Variants in KAT6B observed in about 807,000 individuals in gnomAD.
KAT6B encodes the protein histone acetyltransferase KAT6B.
In KAT6B, 10 loss-of-function variants were observed where a neutral mutation model predicts 187.5. The observed-to-expected ratio is 0.05, with a 90% CI of 0.03 to 0.09. KAT6B has a LOEUF of 0.09. KAT6B is among the 10% of genes least tolerant of loss of function. KAT6B has a pLI of 1.00. For missense variants in KAT6B, 1,952 were observed against 2,558.9 expected, an observed-to-expected ratio of 0.76 and a Z score of 5.12; for synonymous variants, 861 against 926.8, an observed-to-expected ratio of 0.93 and a Z score of 1.29.
Position 75,022,007 on chromosome 10 carries a change from G to C in KAT6B, c.3148G>C (p.Glu1050Gln). 6.2e-7 allele frequency: 1 copy of C among 1,614,106 alleles called. No individual in the cohort carries two copies. The highest frequency in any genetic ancestry group is 8.5e-7 in the Non-Finnish European group (1 of 1,180,030). Residue 1050 changes from glutamate to glutamine, a missense_variant, in exon 16 of 18, where the codon GAG becomes CAG. Physicochemically the swap from Glu to Gln is conservative, Grantham distance 29. Around this residue, in one of 9 missense-constraint regions of KAT6B, gnomAD observed 758 missense variants for 891.4 expected, o/e 0.85. Transcript: ENST00000287239. Reference sequence around the variant, plus strand: ...GAAAAATAAATATTTGCATTCCCCGGAGAGCCGGCCAGTCACAGGGGAGCG... The same window carrying C: ...GAAAAATAAATATTTGCATTCCCCGCAGAGCCGGCCAGTCACAGGGGAGCG... ...QSKNKYLHSP[E>Q]SRPVTGERGQ...
intron 4 of KAT6B, among the ~76,000 whole-genome samples, chr10:74,969,157 A>G (rs1008170968): frequency 2.0e-5 from 3 of 152,024 alleles, no homozygotes; most frequent in African/African-American, 7.2e-5. Context: ...TTTGTGTGCT[A>G]TTGGATTTGG....
At chr10:74,961,311 C>T (rs990393164) in intron 4 of KAT6B, among the ~76,000 whole-genome samples, 4 of 152,144 alleles carry the variant, frequency 2.6e-5, no homozygotes, top group Non-Finnish European at 4.4e-5. Context: ...GGTTTTCTCA[C>T]GAGGCTCATT....
At chr10:74,895,699 C>T (rs542183784) in intron 3 of KAT6B, among the ~76,000 whole-genome samples, 22 of 152,200 alleles carry the variant, frequency 1.4e-4, no homozygotes, top group African/African-American at 4.6e-4. Flanking sequence ...GCTACCATGC[C>T]TAGCTAATTT....
At chr10:74,886,795 T>C (rs1014491595) in intron 3 of KAT6B, among the ~76,000 whole-genome samples, 5 of 152,116 alleles carry the variant, frequency 3.3e-5, no homozygotes, top group Non-Finnish European at 5.9e-5. Flanking sequence ...CATAACCCAG[T>C]GTATTACACT....
At chr10:75,011,613 A>T (rs1313420537) in intron 13 of KAT6B, among the ~76,000 whole-genome samples, 1 of 152,226 alleles carries the variant, frequency 6.6e-6, no homozygotes, top group Non-Finnish European at 1.5e-5. Context: ...ACAGAGTATA[A>T]CATCTCTCAT....
At chr10:74,850,692 G>A (rs564316064) in intron 3 of KAT6B, among the ~76,000 whole-genome samples, 229 of 152,316 alleles carry the variant, frequency 1.5e-3, no homozygotes, top group Non-Finnish European at 2.9e-3. Context: ...AAGTAGTAAA[G>A]CTCAATTAGG....
chr10:74,986,240 G>C (rs1212741018), intron 12 of KAT6B, among the ~76,000 whole-genome samples: 1 of 152,136 alleles, frequency 6.6e-6, no homozygotes. Flanking sequence ...AAGGAAAACT[G>C]AGTTTGGAGA....
At chr10:75,009,668 A>T (rs1844458491) in intron 13 of KAT6B, among the ~76,000 whole-genome samples, 1 of 152,194 alleles carries the variant, frequency 6.6e-6, no homozygotes, top group African/African-American at 2.4e-5. Flanking sequence ...AACAGCTAAC[A>T]TCTACTGTAG....
chr10:74,984,835 G>A, intron 11 of KAT6B: 3 of 493,118 alleles, frequency 6.1e-6, no homozygotes, highest in South Asian at 2.2e-5. Context: ...CCCTTCTTTG[G>A]TAGCTTAAAG....
chr10:74,861,953 CCT>C (rs1169467019), intron 3 of KAT6B, among the ~76,000 whole-genome samples: 1 of 151,686 alleles, frequency 6.6e-6, no homozygotes, highest in Non-Finnish European at 1.5e-5. Context: ...TGACGATGGG[CCT>C]CTCTCCTCTT....
intron 3 of KAT6B, among the ~76,000 whole-genome samples, chr10:74,880,685 G>A (rs997135421): frequency 2.0e-5 from 3 of 152,032 alleles, no homozygotes; most frequent in South Asian, 4.1e-4. Flanking sequence ...GCGCAATCTC[G>A]GCTCACTGCA....
intron 3 of KAT6B, among the ~76,000 whole-genome samples, chr10:74,945,661 G>A (rs1033801413): frequency 6.6e-6 from 1 of 152,046 alleles, no homozygotes; most frequent in African/African-American, 2.4e-5. Flanking sequence ...TGTTTATCAG[G>A]CTGGTCTCCA....
chr10:74,970,602 TTTC>T (rs1841784879), intron 6 of KAT6B, among the ~76,000 whole-genome samples: 1 of 152,178 alleles, frequency 6.6e-6, no homozygotes, highest in Non-Finnish European at 1.5e-5. Flanking sequence ...GAATGTGGAT[TTTC>T]TTCTGTTTAT....
chr10:74,852,401 C>G (rs1842533415), intron 3 of KAT6B, among the ~76,000 whole-genome samples: 1 of 152,160 alleles, frequency 6.6e-6, no homozygotes, highest in Non-Finnish European at 1.5e-5. Flanking sequence ...GGATCAAATA[C>G]TTGCTGTTCC....
At chr10:74,943,512 A>G (rs184983299) in intron 3 of KAT6B, among the ~76,000 whole-genome samples, 2 of 152,280 alleles carry the variant, frequency 1.3e-5, no homozygotes, top group East Asian at 3.9e-4. Flanking sequence ...AAATTTTTTG[A>G]AAAAGAACAA....
chr10:74,842,699 A>T lies in KAT6B; in HGVS notation c.-159A>T. 1 of 792,752 alleles carries T rather than the reference A, an allele frequency of 1.3e-6. No homozygotes were observed. The highest frequency in any genetic ancestry group is 2.1e-6 in the Non-Finnish European group (1 of 480,566). 49.1% of individuals were successfully genotyped at this position (792,752 alleles called of 1,614,324 possible). A position where few individuals can be genotyped will look rare whatever the true frequency, so the allele number is the denominator to read the frequency against. ...ACATTGCCTGTTTGTCTGCTTTTGA[A>T]TCTCTTAAGGATGGATGTTTGTAAG... On this transcript the variant is annotated 5_prime_UTR_variant, in exon 3 of 18. Transcript: ENST00000287239.
chr10:74,873,532 A>G (rs931749475), intron 3 of KAT6B, among the ~76,000 whole-genome samples: 3 of 152,158 alleles, frequency 2.0e-5, no homozygotes, highest in African/African-American at 7.2e-5. Flanking sequence ...GGGGAGCTAT[A>G]GAGGAGCAAG....
intron 3 of KAT6B, among the ~76,000 whole-genome samples, chr10:74,934,819 A>G (rs910263449): frequency 3.3e-5 from 5 of 152,168 alleles, no homozygotes; most frequent in Non-Finnish European, 5.9e-5. Context: ...TTCTTCATTC[A>G]GGTCTGACAA....
rs192537365 is a variant in KAT6B, at chr10:74,865,854, G to A, written c.621+22376G>A. 4.2e-4 allele frequency among the ~76,000 whole-genome samples: 64 copies of A among 152,162 alleles called. No individual in the cohort carries two copies. In the East Asian group the frequency reaches 0.012, roughly 28 times the overall value. On this transcript the variant is annotated intron_variant, in intron 3 of 17. Coordinates refer to ENST00000287239, the MANE Select transcript of KAT6B (RefSeq NM_012330.4). ...TCTTAATACTTGCTTTCACATTACC[G>A]CACTAAAGAGGCATAATAACCAAAT...
Sources: allele counts gnomAD v4.1 joint callset (sites outside exome capture counted in the v4.1 genomes callset), GRCh38; gene constraint gnomAD v4.1.1; regional missense constraint gnomAD v4.1.1; transcripts MANE v1.5; gene names NCBI Gene and HGNC (gene_info 2026-07-23, HGNC 2026-07-21).